GRIK1: variants seen among roughly 807,000 people sequenced by gnomAD.
GRIK1 encodes glutamate receptor ionotropic, kainate 1.
GRIK1 carries 69 observed loss-of-function variants against 105.7 expected under a neutral mutation model. The observed-to-expected ratio is 0.65, with a 90% confidence interval of 0.54 to 0.80. GRIK1 has a LOEUF of 0.80. Ranked by LOEUF, GRIK1 falls within the 30% of genes least tolerant of loss-of-function variation. The pLI is 0.00. For missense variants in GRIK1, 1,109 were observed against 1,167.3 expected (o/e 0.95, Z 0.73); for synonymous variants, 438 against 431.3 (o/e 1.02, Z -0.19).
chr21:29,818,692 A>G (rs951826029), intron 1 of GRIK1, among the ~76,000 whole-genome samples: 3 of 152,076 alleles, frequency 2.0e-5, no homozygotes, highest in African/African-American at 7.2e-5. Context: ...TTCAAAGGTC[A>G]GCGTAATACC....
intron 1 of GRIK1, among the ~76,000 whole-genome samples, chr21:29,769,403 G>A (rs1422399454): frequency 6.6e-6 from 1 of 152,096 alleles, no homozygotes; most frequent in Admixed American, 6.5e-5. Flanking sequence ...ATGAGAAACC[G>A]GTTTCCTGGA....
At chr21:29,659,238 C>T (rs1186990965) in intron 4 of GRIK1, among the ~76,000 whole-genome samples, 1 of 152,126 alleles carries the variant, frequency 6.6e-6, no homozygotes, top group Non-Finnish European at 1.5e-5. Flanking sequence ...AACAAATAAT[C>T]ATGATTGGGA....
At chr21:29,642,291 C>A (rs551456260) in intron 7 of GRIK1, among the ~76,000 whole-genome samples, 1 of 152,340 alleles carries the variant, frequency 6.6e-6, no homozygotes, top group Non-Finnish European at 1.5e-5. Context: ...ATACCCCATA[C>A]TCTCAAAAAT....
At chr21:29,911,709 C>G (rs1046933938) in intron 1 of GRIK1, among the ~76,000 whole-genome samples, 3 of 151,772 alleles carry the variant, frequency 2.0e-5, no homozygotes, top group Non-Finnish European at 4.4e-5. Flanking sequence ...ATAAAAGGGG[C>G]CCCAGAGAAC....
At chr21:29,736,931 G>T (rs560000773) in intron 1 of GRIK1, among the ~76,000 whole-genome samples, 1 of 150,394 alleles carries the variant, frequency 6.6e-6, no homozygotes, top group Non-Finnish European at 1.5e-5. Flanking sequence ...CACCCACCTC[G>T]GCCTCCCAGA....
chr21:29,577,139 C>T lies in GRIK1; in HGVS notation c.1955G>A (p.Gly652Glu). The T allele has an allele frequency of 6.2e-7, 1 of 1,612,104 alleles. No individual in the cohort carries two copies. The highest frequency in any genetic ancestry group is 1.1e-5 in the South Asian group (1 of 91,040). Residue 652 changes from glycine (G) to glutamate (E), a missense_variant, in exon 14 of 18, where the codon GGA becomes GAA. Coordinates refer to ENST00000327783, the MANE Select transcript of GRIK1 (RefSeq NM_001330994.2). ...TAGGGTGAAAAACCACCATATCCCT[C>T]CAACTATTCTGGTCGATAGAGCTTT... ...MPKALSTRIV[G>E]GIWWFFTLII...
intron 1 of GRIK1, among the ~76,000 whole-genome samples, chr21:29,698,798 G>A (rs1420272408): frequency 6.6e-6 from 1 of 152,232 alleles, no homozygotes; most frequent in African/African-American, 2.4e-5. Context: ...CGAAGCAAAG[G>A]GTTGGAAAGT....
chr21:29,899,231 C>G (rs2070296743), intron 1 of GRIK1, among the ~76,000 whole-genome samples: 1 of 152,166 alleles, frequency 6.6e-6, no homozygotes. Flanking sequence ...TGAGGTCATT[C>G]AGGGCTTTTT....
At chr21:29,691,958 A>G (rs1260007551) in intron 2 of GRIK1, among the ~76,000 whole-genome samples, 2 of 152,198 alleles carry the variant, frequency 1.3e-5, no homozygotes, top group African/African-American at 4.8e-5. Flanking sequence ...CATTGTCTTC[A>G]GAAGCTTATT....
chr21:29,642,920 G>C lies in GRIK1; in HGVS notation c.1004C>G (p.Ser335Trp). ...YDAVYMVAIA[S>W]HRASQLTVSS... Reference sequence around the variant, plus strand: ...GACGGTCAGCTGGGATGCCCGGTGCGAGGCAATGGCCACCATGTACACAGC... The same window carrying C: ...GACGGTCAGCTGGGATGCCCGGTGCCAGGCAATGGCCACCATGTACACAGC... The change falls in exon 7 of 18, where the codon TCG becomes TGG. Residue 335 changes from serine (S) to tryptophan (W), a missense_variant. By Grantham distance (177) the Ser-to-Trp change is radical (BLOSUM62 -3). Transcript: ENST00000327783. The C allele has an allele frequency of 6.2e-7, 1 of 1,613,786 alleles. No individual in the cohort carries two copies. The highest frequency in any genetic ancestry group is 8.5e-7 in the Non-Finnish European group (1 of 1,179,648).
At chr21:29,800,460 A>G (rs1444246306) in intron 1 of GRIK1, among the ~76,000 whole-genome samples, 2 of 152,206 alleles carry the variant, frequency 1.3e-5, no homozygotes, top group East Asian at 3.8e-4. Context: ...TTGTATTCAC[A>G]CATATATGAC....
intron 1 of GRIK1, among the ~76,000 whole-genome samples, chr21:29,833,717 T>C (rs1199901770): frequency 1.3e-5 from 2 of 152,066 alleles, no homozygotes; most frequent in African/African-American, 4.8e-5. Flanking sequence ...AACATGAGAT[T>C]TGAGCAGGAA....
chr21:29,886,883 T>A (rs2069651405), intron 1 of GRIK1, among the ~76,000 whole-genome samples: 1 of 152,074 alleles, frequency 6.6e-6, no homozygotes, highest in Non-Finnish European at 1.5e-5. Flanking sequence ...CAAAGAGAAA[T>A]GTACATATCC....
intron 1 of GRIK1, among the ~76,000 whole-genome samples, chr21:29,934,672 G>A (rs1347754024): frequency 2.0e-5 from 3 of 152,130 alleles, no homozygotes; most frequent in Non-Finnish European, 4.4e-5. Flanking sequence ...AATGGAAGGA[G>A]CTCAAAACCT....
intron 16 of GRIK1, among the ~76,000 whole-genome samples, chr21:29,549,716 C>G (rs191514377): frequency 1.1e-3 from 167 of 152,030 alleles, no homozygotes; most frequent in Admixed American, 1.8e-3. Flanking sequence ...TTCTACAGTT[C>G]GCTTGAAATG....
rs552551622 is a variant in GRIK1 at position 29,795,739 on chromosome 21, T to C, written c.119-101676A>G. Reference sequence around the variant, plus strand: ...AACTTTTGATGACTCTGTGAACAGATAAAGGCTCATTACTTTTAACATTTT... The same window carrying C: ...AACTTTTGATGACTCTGTGAACAGACAAAGGCTCATTACTTTTAACATTTT... On this transcript the variant is annotated intron_variant, in intron 1 of 17. Coordinates refer to ENST00000327783, the MANE Select transcript of GRIK1 (RefSeq NM_001330994.2). 3.3e-5 allele frequency among the ~76,000 whole-genome samples: 5 copies of C among 152,356 alleles called. No homozygotes were observed. In the South Asian group the frequency reaches 1.0e-3, roughly 32 times the overall value.
intron 1 of GRIK1, among the ~76,000 whole-genome samples, chr21:29,846,090 C>A (rs546313836): frequency 6.6e-6 from 1 of 152,184 alleles, no homozygotes; most frequent in East Asian, 1.9e-4. Context: ...ATGGAAGACA[C>A]AGAATAGAAA....
Position 29,924,996 on chromosome 21 carries a change from C to T in GRIK1, c.118+14387G>A, listed in dbSNP as rs192562450. Among the ~76,000 whole-genome samples the T allele has an allele frequency of 2.6e-3, 390 of 152,268 alleles. 1 individual carries two copies. Among genetic ancestry groups the T allele is most frequent in the Non-Finnish European group, 4.8e-3 (324 of 68,028 alleles). On this transcript the variant is annotated intron_variant, in intron 1 of 17. Coordinates refer to ENST00000327783, the MANE Select transcript of GRIK1 (RefSeq NM_001330994.2). ...GAGGTGACGTGCAAGCCATCCATTT[C>T]CCTAGATACTATAAATTGAAGTCTA...
intron 1 of GRIK1, among the ~76,000 whole-genome samples, chr21:29,849,413 G>A (rs972311115): frequency 6.6e-6 from 1 of 152,088 alleles, no homozygotes; most frequent in Non-Finnish European, 1.5e-5. Context: ...AAAATCAGTC[G>A]AGCATCCATC....
Sources: gnomAD v4.1 joint callset for allele counts (sites outside exome capture counted in the v4.1 genomes callset) on GRCh38, gnomAD v4.1.1 for gene constraint, MANE v1.5 for transcripts, NCBI Gene and HGNC (gene_info 2026-07-23, HGNC 2026-07-21) for gene names.